C2orf42: variants seen among roughly 807,000 people sequenced by gnomAD.
The protein encoded by C2orf42 is chromosome 2 open reading frame 42.
A neutral mutation model predicts 58.9 loss-of-function variants in C2orf42; 44 were observed. The ratio of observed to expected loss-of-function variants is 0.75; its 90% CI spans 0.59 to 0.96. The LOEUF is 0.96. C2orf42 is among the 40% of genes least tolerant of loss of function. C2orf42 has a pLI of 0.00. For missense variants in C2orf42, 630 were observed against 699.2 expected (o/e 0.90, Z 1.12); for synonymous variants, 239 against 265.4 (o/e 0.90, Z 0.97).
chr2:70,167,781 C>T (rs1409176479), intron 6 of C2orf42, among the ~76,000 whole-genome samples: 2 of 151,870 alleles, frequency 1.3e-5, no homozygotes, highest in Non-Finnish European at 2.9e-5. Flanking sequence ...AAAACACACA[C>T]ACTCATAGTC....
intron 1 of C2orf42, among the ~76,000 whole-genome samples, chr2:70,187,312 G>A (rs1053917788): frequency 1.3e-5 from 2 of 152,080 alleles, no homozygotes; most frequent in Non-Finnish European, 2.9e-5. Context: ...GTGCAATGAC[G>A]CAATCTCAGC....
At chr2:70,164,006 AT>A (rs111670730) in intron 8 of C2orf42, among the ~76,000 whole-genome samples, 4,093 of 145,892 alleles carry the variant, frequency 0.028, 333 homozygotes, top group Admixed American at 0.17. Flanking sequence ...CCTATCTTAA[AT>A]TTTTTTTTTT....
chr2:70,189,894 A>C (rs1284596274), intron 1 of C2orf42, among the ~76,000 whole-genome samples: 1 of 152,004 alleles, frequency 6.6e-6, no homozygotes, highest in Non-Finnish European at 1.5e-5. Flanking sequence ...TGGAGTGAAA[A>C]AAGTGCAGCA....
Position 70,150,266 on chromosome 2 carries a change from G to T in C2orf42, c.*90C>A. The T allele has an allele frequency of 9.5e-7, 1 of 1,055,360 alleles. No individual in the cohort carries two copies. Among genetic ancestry groups the T allele is most frequent in the Non-Finnish European group, 1.4e-6 (1 of 691,174 alleles). The allele number at this position is 1,055,360 out of a possible 1,614,324, so 65.4% of individuals were successfully genotyped here. On this transcript the variant is annotated 3_prime_UTR_variant, in exon 10 of 10. Transcript: ENST00000264434. ...GCTAAGAGCAGTTTACCAAGGAACA[G>T]GGCCATCTAAGTGCCTAACTAGCAT...
At chr2:70,152,238 C>T (rs919619719) in intron 9 of C2orf42, among the ~76,000 whole-genome samples, 1 of 152,184 alleles carries the variant, frequency 6.6e-6, no homozygotes, top group Non-Finnish European at 1.5e-5. Context: ...CCACCCCAGA[C>T]TAACAACTTC....
intron 8 of C2orf42, among the ~76,000 whole-genome samples, chr2:70,164,863 CAAAGGA>C (rs879746642): frequency 6.6e-6 from 1 of 151,796 alleles, no homozygotes; most frequent in African/African-American, 2.4e-5. Context: ...ATCCCAAAGG[CAAAGGA>C]AAAGTATATT....
At chr2:70,161,601 G>A (rs1162475923) in intron 8 of C2orf42, among the ~76,000 whole-genome samples, 2 of 152,024 alleles carry the variant, frequency 1.3e-5, no homozygotes, top group Non-Finnish European at 2.9e-5. Flanking sequence ...AGAACTTTGG[G>A]AGGCTGAGGT....
At chr2:70,152,363 G>A (rs73939136) in intron 9 of C2orf42, among the ~76,000 whole-genome samples, 4,032 of 152,188 alleles carry the variant, frequency 0.026, 201 homozygotes, top group African/African-American at 0.093. Context: ...AATGATATCT[G>A]GAGCTGCTGC....
At position 70,181,605 on chromosome 2, in the gene C2orf42, G is replaced by C. The variant is rs764205079; in HGVS notation, c.381C>G (p.Gly127=). ...VPSCLKAATQ[G]VVENQCQHIK... Reference sequence around the variant, plus strand: ...TGTGCTGGCACTGGTTTTCCACAACGCCTTGAGTGGCAGCTTTCAGGCATG... The same window carrying C: ...TGTGCTGGCACTGGTTTTCCACAACCCCTTGAGTGGCAGCTTTCAGGCATG... Residue 127 remains glycine (G), a synonymous_variant, in exon 3 of 10, where the codon GGC becomes GGG. Coordinates refer to ENST00000264434, the MANE Select transcript of C2orf42 (RefSeq NM_017880.3). 6.2e-7 allele frequency: 1 copy of C among 1,613,908 alleles called. No individual in the cohort carries two copies. The highest frequency in any genetic ancestry group is 1.3e-5 in the African/African-American group (1 of 74,882).
chr2:70,174,327 A>AAAAT (rs1446345695), intron 5 of C2orf42, among the ~76,000 whole-genome samples: 1 of 152,122 alleles, frequency 6.6e-6, no homozygotes, highest in Non-Finnish European at 1.5e-5. Context: ...TAAATAAATA[A>AAAAT]AAATAAATAC....
At chr2:70,178,584 G>A (rs1028267854) in intron 4 of C2orf42, among the ~76,000 whole-genome samples, 10 of 151,862 alleles carry the variant, frequency 6.6e-5, no homozygotes, top group Non-Finnish European at 2.9e-5. Flanking sequence ...CTCCAGCCTG[G>A]GCAACAGAGC....
chr2:70,165,874 A>C (rs1007866023), intron 6 of C2orf42, among the ~76,000 whole-genome samples: 1 of 151,682 alleles, frequency 6.6e-6, no homozygotes, highest in Non-Finnish European at 1.5e-5. Flanking sequence ...GCAACAAAGA[A>C]AGACCCAGTG....
In C2orf42 at chr2:70,161,713, G is replaced by A. The variant is rs959052828; in HGVS notation, c.1354-926C>T. Among the ~76,000 whole-genome samples the A allele has an allele frequency of 1.3e-4, 20 of 151,918 alleles. No homozygotes were observed. The South Asian group carries it at 1.7e-3, about 13-fold the overall frequency. ...AAATTAGCCAGGCGTGGTGGCAGAC[G>A]CCTGTAATCCCAGCTACTCAGAAGG... On this transcript the variant is annotated intron_variant, in intron 8 of 9. Transcript: ENST00000264434.
At position 70,189,980 on chromosome 2, in the gene C2orf42, T is replaced by A. The variant is rs141055809; in HGVS notation, c.-282+993A>T. Among the ~76,000 whole-genome samples the A allele has an allele frequency of 3.2e-3, 492 of 151,910 alleles. 4 individuals are homozygous for A. Among genetic ancestry groups the A allele is most frequent in the Middle Eastern group, 6.8e-3 (2 of 292 alleles). On this transcript the variant is annotated intron_variant, in intron 1 of 9. Coordinates refer to ENST00000264434, the MANE Select transcript of C2orf42 (RefSeq NM_017880.3). ...GACGAGAGATACACATATGTATCTA[T>A]CTAGACACACACACATACAATGTCT... is the stretch of plus-strand genomic sequence containing the variant.
At chr2:70,170,975 C>T (rs1222248237) in intron 5 of C2orf42, among the ~76,000 whole-genome samples, 1 of 151,162 alleles carries the variant, frequency 6.6e-6, no homozygotes, top group African/African-American at 2.4e-5. Flanking sequence ...ATTAGCCAGG[C>T]GAGGTGGCAG....
At position 70,169,519 on chromosome 2, in the gene C2orf42, A is replaced by G. The variant is rs755789796; in HGVS notation, c.1144+38T>C. On this transcript the variant is annotated intron_variant, in intron 6 of 9. Transcript: ENST00000264434. The stretch of plus-strand genomic sequence containing the variant: ...CAGCACAATTACCTTAATTTCTCCT[A>G]CTTTCAGCAAGAGCCCAGTTAGATG... 2.3e-5 allele frequency: 24 copies of G among 1,050,812 alleles called. 1 individual carries two copies. The Admixed American group carries it at 4.0e-4, about 18-fold the overall frequency. The allele number at this position is 1,050,812 out of a possible 1,614,324, so 65.1% of individuals were successfully genotyped here.
rs773327362 is a variant in C2orf42, at chr2:70,169,574, A to G, written c.1127T>C (p.Met376Thr). ...ATACTTACCATCAAACTGATAGTGC[A>G]TGGTTTGATGGATGCGTTCTGTGAC... ...ASVTERIHQT[M>T]HYQFDGKPEP... The change falls in exon 6 of 10, where the codon ATG (methionine) becomes ACG (threonine). Residue 376 changes from methionine (M) to threonine (T), a missense_variant. Coordinates refer to ENST00000264434, the MANE Select transcript of C2orf42 (RefSeq NM_017880.3). 8.9e-6 allele frequency: 14 copies of G among 1,579,894 alleles called. No homozygotes were observed. Among genetic ancestry groups the G allele is most frequent in the African/African-American group, 2.7e-5 (2 of 74,206 alleles).
At chr2:70,171,933 C>A (rs1218519137) in intron 5 of C2orf42, among the ~76,000 whole-genome samples, 1 of 150,958 alleles carries the variant, frequency 6.6e-6, no homozygotes, top group Non-Finnish European at 1.5e-5. Context: ...AGTCAAAAGG[C>A]TATGGGAAGC....
chr2:70,156,474 C>A (rs1387698787), intron 9 of C2orf42, among the ~76,000 whole-genome samples: 1 of 151,756 alleles, frequency 6.6e-6, no homozygotes, highest in Non-Finnish European at 1.5e-5. Flanking sequence ...CCAGCCTGAG[C>A]AACATGGCAA....
Sources: gnomAD v4.1 joint callset for allele counts (sites outside exome capture counted in the v4.1 genomes callset) on GRCh38, gnomAD v4.1.1 for gene constraint, MANE v1.5 for transcripts, NCBI Gene and HGNC (gene_info 2026-07-23, HGNC 2026-07-21) for gene names.